The following MGAT5 variants were observed in gnomAD, a reference collection of about 807,000 sequenced individuals.
MGAT5 encodes the protein alpha-1,6-mannosylglycoprotein 6-beta-N-acetylglucosaminyltransferase.
MGAT5 carries 30 observed loss-of-function variants against 94.3 expected under a neutral mutation model. The observed-to-expected ratio is 0.32, with a 90% confidence interval of 0.24 to 0.43. The LOEUF is 0.43. Among genes scored for constraint, MGAT5 ranks in the 20% least tolerant of loss-of-function variants. The pLI is 1.00. For synonymous variants in MGAT5, 310 were observed against 322.9 expected (o/e 0.96, Z 0.43); for missense variants, 691 against 905.5 (o/e 0.76, Z 3.04).
chr2:134,226,503 T>A (rs1681072190), intron 1 of MGAT5, among the ~76,000 whole-genome samples: 1 of 152,228 alleles, frequency 6.6e-6, no homozygotes, highest in African/African-American at 2.4e-5. Context: ...TTTTACATAC[T>A]CCTTTGCTTT....
rs768111513 is a variant in MGAT5 at position 134,441,750 on chromosome 2, C to T, written c.1870-8C>T. ...GACCTGTGGCTGATGGCTTCATTGT[C>T]GTTCTAGGACTTCTGCCATGGGCAA... On this transcript the variant is annotated splice_polypyrimidine_tract_variant and splice_region_variant and intron_variant, in intron 14 of 15. Coordinates refer to ENST00000281923, the MANE Select transcript of MGAT5 (RefSeq NM_002410.5). 12 of 1,603,728 alleles carry T rather than the reference C, an allele frequency of 7.5e-6. No homozygotes were observed. Among genetic ancestry groups the T allele is most frequent in the Middle Eastern group, 1.7e-4 (1 of 6,034 alleles).
intron 1 of MGAT5, among the ~76,000 whole-genome samples, chr2:134,225,814 A>G (rs1321709126): frequency 1.3e-5 from 2 of 152,168 alleles, no homozygotes; most frequent in African/African-American, 4.8e-5. Flanking sequence ...AGCATAAGGG[A>G]CCAGAGAGAA....
At chr2:134,275,648 A>G (rs946031205) in intron 2 of MGAT5, among the ~76,000 whole-genome samples, 1 of 135,252 alleles carries the variant, frequency 7.4e-6, no homozygotes, top group Non-Finnish European at 1.5e-5. Context: ...CAGTGGCACT[A>G]TCACAGCTCT....
At chr2:134,133,391 A>G (rs564936521) in intron 1 of MGAT5, among the ~76,000 whole-genome samples, 28 of 152,340 alleles carry the variant, frequency 1.8e-4, no homozygotes, top group Non-Finnish European at 2.6e-4. Flanking sequence ...GGGATTGATG[A>G]GAAAGAGCTG....
intron 11 of MGAT5, among the ~76,000 whole-genome samples, chr2:134,412,556 G>C (rs1018566995): frequency 6.6e-6 from 1 of 151,882 alleles, no homozygotes; most frequent in African/African-American, 2.4e-5. Flanking sequence ...TGGTGGTGGT[G>C]GTTGTTTTTC....
intron 14 of MGAT5, among the ~76,000 whole-genome samples, chr2:134,431,586 G>T (rs774246111): frequency 6.6e-6 from 1 of 152,158 alleles, no homozygotes; most frequent in Non-Finnish European, 1.5e-5. Context: ...TGGAGAGGAG[G>T]TGTTCCTGGT....
At chr2:134,374,777 G>C (rs1459095500) in intron 10 of MGAT5, among the ~76,000 whole-genome samples, 1 of 152,150 alleles carries the variant, frequency 6.6e-6, no homozygotes, top group African/African-American at 2.4e-5. Flanking sequence ...CAGATCACTT[G>C]AGCCTAGGAG....
chr2:134,151,087 T>A (rs1452709539), intron 1 of MGAT5, among the ~76,000 whole-genome samples: 1 of 152,110 alleles, frequency 6.6e-6, no homozygotes, highest in Non-Finnish European at 1.5e-5. Flanking sequence ...CATGCCTGCA[T>A]TTTGCATAAT....
chr2:134,324,069 T>C (rs1037754719), intron 4 of MGAT5, among the ~76,000 whole-genome samples: 1 of 152,204 alleles, frequency 6.6e-6, no homozygotes, highest in Non-Finnish European at 1.5e-5. Flanking sequence ...GATATTATGT[T>C]GATAGATGAT....
chr2:134,234,475 T>C (rs563107326), intron 1 of MGAT5, among the ~76,000 whole-genome samples: 1 of 152,156 alleles, frequency 6.6e-6, no homozygotes, highest in East Asian at 1.9e-4. Context: ...ACTATGGGGG[T>C]CCATACATAA....
chr2:134,287,952 T>G (rs1685112640), intron 2 of MGAT5, among the ~76,000 whole-genome samples: 1 of 152,232 alleles, frequency 6.6e-6, no homozygotes, highest in Admixed American at 6.5e-5. Context: ...GAAAATGATA[T>G]TTTACATATG....
rs11899777 is a variant in MGAT5, at chr2:134,422,789, C to G, written c.1678-14C>G. The G allele has an allele frequency of 5.0e-6, 8 of 1,607,094 alleles. No homozygotes were observed. Among genetic ancestry groups the G allele is most frequent in the Middle Eastern group, 3.3e-4 (2 of 6,042 alleles). On this transcript the variant is annotated splice_polypyrimidine_tract_variant and intron_variant, in intron 12 of 15. Transcript: ENST00000281923. ...AAATTGCTTGTGAGACTGAGGTGTTCGGTTCTTTTCCAGCTGACATCCCAG... is the reference window on the plus strand; with the variant it reads ...AAATTGCTTGTGAGACTGAGGTGTTGGGTTCTTTTCCAGCTGACATCCCAG...
intron 1 of MGAT5, among the ~76,000 whole-genome samples, chr2:134,123,607 G>A (rs1238983321): frequency 6.6e-6 from 1 of 152,180 alleles, no homozygotes; most frequent in Non-Finnish European, 1.5e-5. Flanking sequence ...GGCATTCTGT[G>A]TTGATGCTGT....
intron 1 of MGAT5, among the ~76,000 whole-genome samples, chr2:134,167,828 C>G (rs1010180367): frequency 3.3e-5 from 5 of 152,230 alleles, no homozygotes; most frequent in African/African-American, 1.2e-4. Flanking sequence ...TTGGCTACAA[C>G]TATTATCTCT....
intron 2 of MGAT5, among the ~76,000 whole-genome samples, chr2:134,300,609 C>G (rs1685957849): frequency 6.6e-6 from 1 of 152,184 alleles, no homozygotes; most frequent in South Asian, 2.1e-4. Context: ...TTACAATTTC[C>G]AAGATGAAGA....
chr2:134,375,532 A>G (rs1419773225), intron 10 of MGAT5, among the ~76,000 whole-genome samples: 1 of 152,200 alleles, frequency 6.6e-6, no homozygotes, highest in Non-Finnish European at 1.5e-5. Flanking sequence ...TAAAGATGAA[A>G]TGTGTTGGTT....
At position 134,258,165 on chromosome 2, in the gene MGAT5, T is replaced by TTGAC. The variant is rs1553432498; in HGVS notation, c.241+3524_241+3525insCTGA. The stretch of plus-strand genomic sequence containing the variant: ...GACCTATGCGCCAAATTCAGGACCT[T>TTGAC]TGATTGTGTAAATAGTTTTATTGGA... On this transcript the variant is annotated intron_variant, in intron 1 of 15. Transcript: ENST00000281923. 4.6e-5 allele frequency among the ~76,000 whole-genome samples: 7 copies of TTGAC among 151,580 alleles called. No homozygotes were observed. In the East Asian group the frequency reaches 9.7e-4, roughly 21 times the overall value.
chr2:134,159,942 C>G (rs1395076035), intron 1 of MGAT5, among the ~76,000 whole-genome samples: 1 of 152,110 alleles, frequency 6.6e-6, no homozygotes, highest in Non-Finnish European at 1.5e-5. Flanking sequence ...CATCCTTTTC[C>G]CAAGTCTGCC....
chr2:134,441,978 G>A (rs1037349939), intron 15 of MGAT5, 63 bp downstream of exon 15: 3 of 1,572,874 alleles, frequency 1.9e-6, no homozygotes, highest in Non-Finnish European at 1.7e-6. Context: ...TTGTTGGGTA[G>A]TCAGGTGAGA....
Sources: allele counts gnomAD v4.1 joint callset (sites outside exome capture counted in the v4.1 genomes callset), GRCh38; gene constraint gnomAD v4.1.1; transcripts MANE v1.5; gene names NCBI Gene and HGNC (gene_info 2026-07-23, HGNC 2026-07-21).